The following CAAP1 variants were observed in gnomAD, a reference collection of about 807,000 sequenced individuals.
CAAP1 encodes the protein caspase activity and apoptosis inhibitor 1, also known as conserved anti-apoptotic protein.
In CAAP1, 20 loss-of-function variants were observed where a neutral mutation model predicts 34.0. The observed-to-expected ratio is 0.59, with a 90% CI of 0.41 to 0.86. CAAP1 has a LOEUF of 0.86. Among genes scored for constraint, CAAP1 ranks in the 40% least tolerant of loss-of-function variants. CAAP1 has a pLI of 0.00. For synonymous variants in CAAP1, 213 were observed against 166.7 expected, an observed-to-expected ratio of 1.28 and a Z score of -2.14; for missense variants, 538 against 450.5, an observed-to-expected ratio of 1.19 and a Z score of -1.76.
chr9:26,883,225 C>G (rs1290573602), intron 4 of CAAP1, among the ~76,000 whole-genome samples: 1 of 152,100 alleles, frequency 6.6e-6, no homozygotes, highest in African/African-American at 2.4e-5. Context: ...TGTCTCCACC[C>G]AAATCTCATC....
At chr9:26,856,507 G>A (rs1442401777) in intron 5 of CAAP1, among the ~76,000 whole-genome samples, 2 of 152,110 alleles carry the variant, frequency 1.3e-5, no homozygotes, top group Non-Finnish European at 2.9e-5. Flanking sequence ...AATGCACTAG[G>A]CACTGGTCTT....
chr9:26,877,122 C>T (rs891194887), intron 4 of CAAP1, among the ~76,000 whole-genome samples: 7 of 151,960 alleles, frequency 4.6e-5, no homozygotes. Context: ...CCGGCATGGG[C>T]AAAAGAGCGA....
chr9:26,869,705 G>A (rs140988368), intron 4 of CAAP1, among the ~76,000 whole-genome samples: 1 of 152,204 alleles, frequency 6.6e-6, no homozygotes, highest in East Asian at 1.9e-4. Context: ...TGGAAACACA[G>A]ATGAGTAACT....
chr9:26,842,304 G>A lies in CAAP1; in HGVS notation c.1083C>T (p.Ala361=), dbSNP rs756640710. Residue 361 remains alanine, a synonymous_variant, in exon 6 of 6, where the codon GCC becomes GCT. Coordinates refer to ENST00000333916, the MANE Select transcript of CAAP1 (RefSeq NM_024828.4). ...LMKAGDIKKP[A] The stretch of plus-strand genomic sequence containing the variant: ...AATTCAAAATCAAGTTAAATACCTA[G>A]GCTGGCTTTTTTATATCACCAGCTT... The A allele has an allele frequency of 2.2e-5, 35 of 1,559,654 alleles. No homozygotes were observed. The highest frequency in any genetic ancestry group is 2.9e-5 in the Non-Finnish European group (33 of 1,155,604).
At chr9:26,887,161 A>C (rs1226659911) in intron 2 of CAAP1, 152 bp downstream of exon 2, 3 of 497,968 alleles carry the variant, frequency 6.0e-6, no homozygotes, top group Non-Finnish European at 6.9e-6. Flanking sequence ...GCAGTGAGCC[A>C]AGATCACGCC....
chr9:26,858,982 G>A (rs1052126405), intron 5 of CAAP1, among the ~76,000 whole-genome samples: 5 of 142,766 alleles, frequency 3.5e-5, no homozygotes, highest in Non-Finnish European at 4.5e-5. Context: ...GGGCAATAGA[G>A]CGAGAGACTG....
At chr9:26,882,292 C>T (rs1017896782) in intron 4 of CAAP1, among the ~76,000 whole-genome samples, 2 of 152,210 alleles carry the variant, frequency 1.3e-5, no homozygotes, top group Non-Finnish European at 2.9e-5. Flanking sequence ...CAGTCCCTCC[C>T]ATCACAGGCC....
intron 5 of CAAP1, among the ~76,000 whole-genome samples, chr9:26,844,372 A>AT (rs1224423281): frequency 1.3e-5 from 2 of 152,190 alleles, no homozygotes; most frequent in Non-Finnish European, 2.9e-5. Context: ...AAAAAAGAAA[A>AT]TAAGTGCTAA....
chr9:26,860,921 T>C (rs988775168), intron 5 of CAAP1, 145 bp downstream of exon 5: 3 of 646,014 alleles, frequency 4.6e-6, no homozygotes, highest in African/African-American at 1.9e-5. Flanking sequence ...AAAAGAATCA[T>C]GAAGTGACTG....
At chr9:26,861,771 A>G (rs1278072327) in intron 4 of CAAP1, among the ~76,000 whole-genome samples, 1 of 152,198 alleles carries the variant, frequency 6.6e-6, no homozygotes, top group African/African-American at 2.4e-5. Context: ...CAAATGAGCT[A>G]TGTGACAATT....
rs148099262 is a variant in CAAP1 at position 26,874,812 on chromosome 9, G to C, written c.665+9998C>G. Among the ~76,000 whole-genome samples the C allele has an allele frequency of 9.2e-4, 140 of 152,182 alleles. No homozygotes were observed. The Middle Eastern group carries it at 0.01, about 11-fold the overall frequency. On this transcript the variant is annotated intron_variant, in intron 4 of 5. Transcript: ENST00000333916. ...GAGTAGGGAAATAATCTTTAAAACA[G>C]CAACAGAAAGAGAAATCTGGAAAAA...
chr9:26,891,224 T>C (rs557249855), intron 1 of CAAP1, among the ~76,000 whole-genome samples: 19 of 152,136 alleles, frequency 1.2e-4, no homozygotes, highest in Non-Finnish European at 2.6e-4. Flanking sequence ...GAAAATTACA[T>C]AAGAAGAAAT....
In CAAP1 at chr9:26,850,470, CAT is replaced by C. The variant is rs1300342521; in HGVS notation, c.740-7825_740-7824del. 2.0e-5 allele frequency among the ~76,000 whole-genome samples: 3 copies of C among 152,232 alleles called. No homozygotes were observed. The East Asian group carries it at 5.8e-4, about 29-fold the overall frequency. ...GGATCATGATTGATAGGGAAAACCC[CAT>C]AATTCCCCAATACCAAAAACAAGAG... On this transcript the variant is annotated intron_variant, in intron 5 of 5. Coordinates refer to ENST00000333916, the MANE Select transcript of CAAP1 (RefSeq NM_024828.4).
At chr9:26,877,819 A>T (rs1823480555) in intron 4 of CAAP1, among the ~76,000 whole-genome samples, 1 of 151,864 alleles carries the variant, frequency 6.6e-6, no homozygotes, top group Non-Finnish European at 1.5e-5. Context: ...ATTTTCCTGT[A>T]TTTATTACAT....
intron 5 of CAAP1, among the ~76,000 whole-genome samples, chr9:26,852,448 C>G (rs1203959887): frequency 6.6e-6 from 1 of 151,462 alleles, no homozygotes; most frequent in African/African-American, 2.4e-5. Flanking sequence ...GAGAGAGGCT[C>G]TGTCTCAAAA....
At chr9:26,852,512 G>T (rs1822776323) in intron 5 of CAAP1, among the ~76,000 whole-genome samples, 1 of 151,952 alleles carries the variant, frequency 6.6e-6, no homozygotes, top group South Asian at 2.1e-4. Context: ...AACAGAAGTA[G>T]GTTAGGGAAG....
In CAAP1 at chr9:26,875,557, G is replaced by T. The variant is rs369643759; in HGVS notation, c.665+9253C>A. Reference sequence around the variant, plus strand: ...GAAATTATTTTTCTTCTTTAAAAAAGCTGTATGTCTCAGTTGATAAGAAGC... The same window carrying T: ...GAAATTATTTTTCTTCTTTAAAAAATCTGTATGTCTCAGTTGATAAGAAGC... On this transcript the variant is annotated intron_variant, in intron 4 of 5. Transcript: ENST00000333916. Among the ~76,000 whole-genome samples, 3 of 152,222 alleles carry T rather than the reference G, an allele frequency of 2.0e-5. No individual in the cohort carries two copies. The East Asian group carries it at 5.8e-4, about 29-fold the overall frequency.
chr9:26,866,035 C>T (rs1013488398), intron 4 of CAAP1, among the ~76,000 whole-genome samples: 12 of 152,040 alleles, frequency 7.9e-5, no homozygotes, highest in South Asian at 2.1e-4. Context: ...TCAGTAGAGA[C>T]GGGGTTTCAC....
At chr9:26,868,669 A>C (rs1823198061) in intron 4 of CAAP1, among the ~76,000 whole-genome samples, 1 of 152,224 alleles carries the variant, frequency 6.6e-6, no homozygotes, top group Admixed American at 6.5e-5. Context: ...TTACAAGAAA[A>C]CTCAGAGGAT....
Sources: allele counts gnomAD v4.1 joint callset (sites outside exome capture counted in the v4.1 genomes callset), GRCh38; gene constraint gnomAD v4.1.1; transcripts MANE v1.5; gene names NCBI Gene and HGNC (gene_info 2026-07-23, HGNC 2026-07-21).